CSMD2: variants seen among roughly 807,000 people sequenced by gnomAD.
CSMD2 encodes CUB and Sushi multiple domains 2, also known as CUB and sushi domain-containing protein 2.
Under a neutral mutation model 398.5 loss-of-function variants are expected in CSMD2, and 130 were observed. The observed-to-expected ratio is 0.33, with a 90% CI of 0.28 to 0.38. CSMD2 has a LOEUF of 0.38. CSMD2 is among the 10% of genes least tolerant of loss of function. The pLI, the probability that CSMD2 is intolerant of heterozygous loss-of-function variation, is 1.00. For synonymous variants in CSMD2, 1,828 were observed against 1,908.5 expected (o/e 0.96, Z 1.10); for missense variants, 3,829 against 4,764.9 (o/e 0.80, Z 5.78).
intron 54 of CSMD2, among the ~76,000 whole-genome samples, chr1:33,558,851 A>G (rs1658285385): frequency 6.6e-6 from 1 of 151,540 alleles, no homozygotes; most frequent in Non-Finnish European, 1.5e-5. Context: ...AAGAATGGGG[A>G]TCTCTTAAGA....
intron 21 of CSMD2, among the ~76,000 whole-genome samples, chr1:33,712,168 G>A (rs1458890909): frequency 6.6e-6 from 1 of 152,178 alleles, no homozygotes; most frequent in African/African-American, 2.4e-5. Context: ...TCAGCCTGGG[G>A]CTTCTGAGGC....
At chr1:34,029,729 AC>A (rs1650170229) in intron 3 of CSMD2, among the ~76,000 whole-genome samples, 1 of 152,182 alleles carries the variant, frequency 6.6e-6, no homozygotes, top group Non-Finnish European at 1.5e-5. Context: ...GTTTGCAGAA[AC>A]CCTGCAACAG....
In CSMD2 at chr1:33,577,428, T is replaced by C; in HGVS notation, c.7444A>G (p.Ser2482Gly). Residue 2482 changes from serine (S) to glycine (G), a missense_variant, in exon 49 of 71, where the codon AGC (serine) becomes GGC (glycine). Ser to Gly is a moderately conservative substitution (Grantham distance 56). Transcript: ENST00000373381. Reference protein sequence around the residue: ...PLHGFILGQTSTQPGGSIHFG... With the variant: ...PLHGFILGQTGTQPGGSIHFG... The stretch of plus-strand genomic sequence containing the variant: ...TGGATGGAGCCCCCGGGCTGGGTGC[T>C]GGTCTGGCCTAGGATGAAGCCATGG... The C allele has an allele frequency of 6.2e-7, 1 of 1,614,060 alleles. No homozygotes were observed.
At chr1:33,889,477 C>A (rs1252884493) in intron 5 of CSMD2, among the ~76,000 whole-genome samples, 1 of 152,132 alleles carries the variant, frequency 6.6e-6, no homozygotes, top group Non-Finnish European at 1.5e-5. Flanking sequence ...TACACTTTAG[C>A]AGAGTCTAAA....
intron 17 of CSMD2, among the ~76,000 whole-genome samples, chr1:33,724,979 T>C (rs540746189): frequency 1.3e-5 from 2 of 152,276 alleles, no homozygotes; most frequent in Admixed American, 6.5e-5. Context: ...ATCCTTTAAA[T>C]CGAGGGGATG....
At chr1:34,059,387 C>A (rs547782886) in intron 2 of CSMD2, among the ~76,000 whole-genome samples, 1 of 152,152 alleles carries the variant, frequency 6.6e-6, no homozygotes, top group African/African-American at 2.4e-5. Context: ...TCCCTCAGCC[C>A]CCTCATTCTA....
chr1:33,569,065 A>C (rs922882499), intron 52 of CSMD2, among the ~76,000 whole-genome samples: 2 of 152,204 alleles, frequency 1.3e-5, no homozygotes, highest in African/African-American at 4.8e-5. Flanking sequence ...AAATTTGCCA[A>C]AAATGGAGAC....
At chr1:33,549,134 C>T (rs1657180986) in intron 56 of CSMD2, among the ~76,000 whole-genome samples, 1 of 152,080 alleles carries the variant, frequency 6.6e-6, no homozygotes. Context: ...TGGCAGTGAC[C>T]TAACTTTTGG....
chr1:34,129,808 G>T (rs1206853503), intron 1 of CSMD2, among the ~76,000 whole-genome samples: 1 of 152,220 alleles, frequency 6.6e-6, no homozygotes, highest in Non-Finnish European at 1.5e-5. Context: ...CGGCAGCACT[G>T]CAGGAAGGAA....
At chr1:33,658,188 T>C in intron 26 of CSMD2, 51 bp from the exon 27 acceptor site, 2 of 1,505,966 alleles carry the variant, frequency 1.3e-6, no homozygotes, top group Non-Finnish European at 9.1e-7. Flanking sequence ...TGTCTGCCAC[T>C]CAGGAGGCTC....
chr1:33,652,189 C>T, intron 28 of CSMD2, 134 bp downstream of exon 28: 6 of 864,910 alleles, frequency 6.9e-6, no homozygotes, highest in South Asian at 5.2e-5. Context: ...TAGTTTCTCT[C>T]TCTCTCGGCT....
chr1:34,150,265 T>G lies in CSMD2; in HGVS notation c.187+14646A>C, dbSNP rs1640183298. Among the ~76,000 whole-genome samples, 5 of 151,950 alleles carry G rather than the reference T, an allele frequency of 3.3e-5. No individual in the cohort carries two copies. In the South Asian group the frequency reaches 1.0e-3, roughly 32 times the overall value. Reference sequence around the variant, plus strand: ...ACACCCAGCTAATATTTTTATTTTTTGTAGAGACAGGGTATTACTATGCTG... The same window carrying G: ...ACACCCAGCTAATATTTTTATTTTTGGTAGAGACAGGGTATTACTATGCTG... On this transcript the variant is annotated intron_variant, in intron 1 of 70. Transcript: ENST00000373381.
At chr1:33,605,661 G>C (rs1377637313) in intron 41 of CSMD2, among the ~76,000 whole-genome samples, 191 bp from the exon 42 acceptor site, 2 of 152,152 alleles carry the variant, frequency 1.3e-5, no homozygotes, top group African/African-American at 4.8e-5. Flanking sequence ...ATTATTTTGA[G>C]GACTAAGTAG....
At chr1:33,941,238 T>C (rs1221647489) in intron 3 of CSMD2, among the ~76,000 whole-genome samples, 1 of 152,250 alleles carries the variant, frequency 6.6e-6, no homozygotes, top group Non-Finnish European at 1.5e-5. Context: ...TTCTCAGTGA[T>C]TGCATGACAA....
intron 55 of CSMD2, 29 bp from the exon 56 acceptor site, chr1:33,550,379 ACT>A (rs761588464): frequency 8.6e-5 from 138 of 1,604,418 alleles, no homozygotes; most frequent in Middle Eastern, 5.0e-4. Flanking sequence ...CATCTCAATG[ACT>A]CTGCACAGGG....
chr1:33,670,714 T>C (rs940381285), intron 25 of CSMD2, among the ~76,000 whole-genome samples: 1 of 152,216 alleles, frequency 6.6e-6, no homozygotes, highest in Non-Finnish European at 1.5e-5. Context: ...ACAGTGATAC[T>C]GATAGTCATA....
chr1:34,130,769 G>A (rs1663265898), intron 1 of CSMD2, among the ~76,000 whole-genome samples: 1 of 152,068 alleles, frequency 6.6e-6, no homozygotes, highest in South Asian at 2.1e-4. Context: ...CTCTCAGGAT[G>A]TCTTTCTTCT....
intron 11 of CSMD2, among the ~76,000 whole-genome samples, chr1:33,791,636 CA>C (rs1179700597): frequency 1.3e-5 from 2 of 152,174 alleles, no homozygotes; most frequent in Non-Finnish European, 2.9e-5. Flanking sequence ...TACAGGCGTG[CA>C]CCACCACATC....
intron 6 of CSMD2, among the ~76,000 whole-genome samples, chr1:33,828,119 G>A (rs1052535117): frequency 6.6e-6 from 1 of 152,170 alleles, no homozygotes; most frequent in Non-Finnish European, 1.5e-5. Context: ...TTATTACCAC[G>A]GAGTCATAGC....
Sources: gnomAD v4.1 joint callset for allele counts (sites outside exome capture counted in the v4.1 genomes callset) on GRCh38, gnomAD v4.1.1 for gene constraint, MANE v1.5 for transcripts, NCBI Gene and HGNC (gene_info 2026-07-23, HGNC 2026-07-21) for gene names.